PTPRD: variants seen among roughly 807,000 people sequenced by gnomAD.
PTPRD encodes protein tyrosine phosphatase receptor type D.
Under a neutral mutation model 214.5 loss-of-function variants are expected in PTPRD, and 34 were observed. The ratio of observed to expected loss-of-function variants is 0.16; its 90% CI spans 0.12 to 0.21. The LOEUF is 0.21. PTPRD is among the 10% of genes least tolerant of loss of function. The pLI is 1.00. For synonymous variants in PTPRD, 1,128 were observed against 845.7 expected (o/e 1.33, Z -5.79); for missense variants, 2,545 against 2,398.7 (o/e 1.06, Z -1.27).
intron 9 of PTPRD, among the ~76,000 whole-genome samples, chr9:9,331,664 T>C (rs970405873): frequency 6.6e-6 from 1 of 152,066 alleles, no homozygotes; most frequent in Non-Finnish European, 1.5e-5. Context: ...TAACAACGGC[T>C]ATCTAATACA....
intron 3 of PTPRD, among the ~76,000 whole-genome samples, chr9:10,156,123 T>C (rs988203791): frequency 3.3e-4 from 45 of 134,404 alleles, no homozygotes; most frequent in Admixed American, 9.8e-4. Context: ...TGTGTGTGTG[T>C]GCCTGTCTCC....
rs369423360 is a variant in PTPRD at position 8,708,430 on chromosome 9, T to C, written c.64+25350A>G. Among the ~76,000 whole-genome samples, 17 of 152,046 alleles carry C rather than the reference T, an allele frequency of 1.1e-4. No homozygotes were observed. In the East Asian group the frequency reaches 2.9e-3, roughly 26 times the overall value. ...GGCTCACATCTGTAATCCTAGCACT[T>C]TGGGAGGCCGAGGTGGGCGGATCAC... is the stretch of plus-strand genomic sequence containing the variant. On this transcript the variant is annotated intron_variant, in intron 12 of 45. Coordinates refer to ENST00000381196, the MANE Select transcript of PTPRD (RefSeq NM_002839.4).
chr9:8,801,948 T>C (rs1417785841), intron 11 of PTPRD, among the ~76,000 whole-genome samples: 1 of 152,154 alleles, frequency 6.6e-6, no homozygotes, highest in Non-Finnish European at 1.5e-5. Context: ...GAGGGAAATG[T>C]GAACTGAGAT....
At chr9:9,891,372 C>A (rs563673568) in intron 5 of PTPRD, among the ~76,000 whole-genome samples, 1 of 149,014 alleles carries the variant, frequency 6.7e-6, no homozygotes, top group African/African-American at 2.5e-5. Context: ...GGAAAACATA[C>A]ACTTTTTTTT....
At chr9:10,255,538 C>T (rs2475328) in intron 3 of PTPRD, among the ~76,000 whole-genome samples, 10 of 151,974 alleles carry the variant, frequency 6.6e-5, no homozygotes, top group Non-Finnish European at 7.4e-5. Context: ...GTGAGAGGTG[C>T]GCGAATATAA....
At chr9:8,935,787 A>G (rs2098992903) in intron 11 of PTPRD, among the ~76,000 whole-genome samples, 1 of 152,202 alleles carries the variant, frequency 6.6e-6, no homozygotes, top group Non-Finnish European at 1.5e-5. Flanking sequence ...GATTCTTACT[A>G]TGAGTAATTT....
chr9:8,561,607 AG>A (rs1209880253), intron 14 of PTPRD, among the ~76,000 whole-genome samples: 4 of 152,056 alleles, frequency 2.6e-5, no homozygotes, highest in East Asian at 3.9e-4. Context: ...GGTGGGGGTG[AG>A]GGGGGGTGGA....
intron 4 of PTPRD, among the ~76,000 whole-genome samples, chr9:9,988,749 G>A (rs575250545): frequency 1.3e-5 from 2 of 151,826 alleles, no homozygotes; most frequent in African/African-American, 4.8e-5. Flanking sequence ...TCTAAAAAGT[G>A]TATTAAGTAA....
At chr9:10,409,978 G>T (rs1311213409) in intron 2 of PTPRD, among the ~76,000 whole-genome samples, 1 of 151,506 alleles carries the variant, frequency 6.6e-6, no homozygotes, top group Admixed American at 6.6e-5. Flanking sequence ...CAAATTAGCA[G>T]CTCCCAAATT....
intron 4 of PTPRD, among the ~76,000 whole-genome samples, chr9:9,980,108 G>GA (rs1286658417): frequency 2.0e-5 from 3 of 151,828 alleles, no homozygotes; most frequent in African/African-American, 4.8e-5. Flanking sequence ...CATAAGATTG[G>GA]AAAAAATCAA....
chr9:10,062,743 A>T (rs1376022276), intron 3 of PTPRD, among the ~76,000 whole-genome samples: 1 of 151,860 alleles, frequency 6.6e-6, no homozygotes, highest in East Asian at 2.0e-4. Context: ...AACATCTTTC[A>T]CATTTTTTTT....
At chr9:10,249,944 T>C (rs1045715151) in intron 3 of PTPRD, among the ~76,000 whole-genome samples, 12 of 152,166 alleles carry the variant, frequency 7.9e-5, no homozygotes, top group African/African-American at 2.9e-4. Flanking sequence ...TAGAGACACA[T>C]GCATACATCT....
chr9:8,629,671 T>C (rs1362400733), intron 14 of PTPRD, among the ~76,000 whole-genome samples: 93 of 151,952 alleles, frequency 6.1e-4, no homozygotes, highest in Non-Finnish European at 8.8e-5. Flanking sequence ...GTAAAACAGA[T>C]ATACTCAGCC....
intron 10 of PTPRD, among the ~76,000 whole-genome samples, chr9:9,069,766 A>C (rs1382871817): frequency 6.6e-6 from 1 of 152,200 alleles, no homozygotes; most frequent in African/African-American, 2.4e-5. Flanking sequence ...CTCTTAATTT[A>C]ATATGGAAAC....
chr9:9,519,652 T>C (rs750437333), intron 8 of PTPRD, among the ~76,000 whole-genome samples: 72 of 151,932 alleles, frequency 4.7e-4, no homozygotes, highest in Non-Finnish European at 8.5e-4. Context: ...ACAAAAGGTA[T>C]GCAAAATAAC....
intron 7 of PTPRD, among the ~76,000 whole-genome samples, chr9:9,715,201 G>A (rs750596212): frequency 3.9e-5 from 6 of 152,132 alleles, no homozygotes; most frequent in Admixed American, 6.6e-5. Context: ...ACTGGTATGC[G>A]TACAATTATG....
chr9:9,094,365 T>C (rs745985210), intron 10 of PTPRD, among the ~76,000 whole-genome samples: 36 of 152,162 alleles, frequency 2.4e-4, no homozygotes, highest in Non-Finnish European at 3.8e-4. Flanking sequence ...TAGTGTATTT[T>C]GCAGCAGCTT....
intron 8 of PTPRD, among the ~76,000 whole-genome samples, chr9:9,485,817 T>C (rs2095604487): frequency 6.6e-6 from 1 of 152,130 alleles, no homozygotes; most frequent in Non-Finnish European, 1.5e-5. Context: ...CTTTCTCCAC[T>C]AGACCCTTCC....
At chr9:8,751,312 G>A (rs1424332865) in intron 11 of PTPRD, among the ~76,000 whole-genome samples, 1 of 151,634 alleles carries the variant, frequency 6.6e-6, no homozygotes, top group Non-Finnish European at 1.5e-5. Flanking sequence ...GAAAAAATCT[G>A]CTTTCATGTA....
Sources: allele counts gnomAD v4.1 joint callset (sites outside exome capture counted in the v4.1 genomes callset), GRCh38; gene constraint gnomAD v4.1.1; transcripts MANE v1.5; gene names NCBI Gene and HGNC (gene_info 2026-07-23, HGNC 2026-07-21).